The following MTUS2 variants were observed in gnomAD, a reference collection of about 807,000 sequenced individuals.
MTUS2 encodes the protein microtubule-associated tumor suppressor candidate 2.
A neutral mutation model predicts 114.1 loss-of-function variants in MTUS2; 40 were observed. The ratio of observed to expected loss-of-function variants is 0.35; its 90% CI spans 0.27 to 0.46. MTUS2 has a LOEUF of 0.46. MTUS2 is among the 20% of genes least tolerant of loss of function. The pLI is 1.00. For synonymous variants in MTUS2, 688 were observed against 672.0 expected, an observed-to-expected ratio of 1.02 and a Z score of -0.37; for missense variants, 1,679 against 1,705.4, an observed-to-expected ratio of 0.98 and a Z score of 0.27.
intron 2 of MTUS2, among the ~76,000 whole-genome samples, chr13:28,921,796 C>T (rs1276539875): frequency 6.6e-6 from 1 of 152,150 alleles, no homozygotes; most frequent in East Asian, 1.9e-4. Context: ...TGTCTTTGCT[C>T]TCCAATATAA....
At chr13:29,196,853 G>A (rs1436484182) in intron 5 of MTUS2, among the ~76,000 whole-genome samples, 1 of 152,126 alleles carries the variant, frequency 6.6e-6, no homozygotes, top group African/African-American at 2.4e-5. Context: ...CCTTTCATCT[G>A]TGGACACTTG....
At chr13:29,485,644 G>C (rs922689296) in intron 10 of MTUS2, among the ~76,000 whole-genome samples, 1 of 152,236 alleles carries the variant, frequency 6.6e-6, no homozygotes, top group Non-Finnish European at 1.5e-5. Flanking sequence ...TAATACAATG[G>C]GCGTGGTATT....
At chr13:29,284,549 A>G (rs1353418737) in intron 6 of MTUS2, among the ~76,000 whole-genome samples, 1 of 152,226 alleles carries the variant, frequency 6.6e-6, no homozygotes, top group Non-Finnish European at 1.5e-5. Flanking sequence ...TTAAATGTTA[A>G]AAGATAATAT....
intron 5 of MTUS2, among the ~76,000 whole-genome samples, chr13:29,142,165 A>T (rs1892251686): frequency 6.6e-6 from 1 of 152,046 alleles, no homozygotes; most frequent in African/African-American, 2.4e-5. Context: ...TTATTTAGGT[A>T]ATTATATGTG....
At chr13:29,425,914 C>G (rs1876489621) in intron 8 of MTUS2, among the ~76,000 whole-genome samples, 1 of 152,120 alleles carries the variant, frequency 6.6e-6, no homozygotes, top group Non-Finnish European at 1.5e-5. Flanking sequence ...AGCAAGGGCT[C>G]TCATACATCT....
chr13:29,119,535 A>T (rs924835548), intron 5 of MTUS2, among the ~76,000 whole-genome samples: 1 of 152,312 alleles, frequency 6.6e-6, no homozygotes, highest in South Asian at 2.1e-4. Flanking sequence ...AAGCATTATA[A>T]GTTTGATATA....
intron 1 of MTUS2, among the ~76,000 whole-genome samples, chr13:28,833,360 C>T (rs1874838875): frequency 6.6e-6 from 1 of 152,032 alleles, no homozygotes; most frequent in South Asian, 2.1e-4. Flanking sequence ...GGTTTGTATA[C>T]CGTGACTAAG....
chr13:29,122,114 T>C (rs1015321006), intron 5 of MTUS2, among the ~76,000 whole-genome samples: 6 of 152,186 alleles, frequency 3.9e-5, no homozygotes, highest in African/African-American at 1.4e-4. Context: ...TACTCTTTAC[T>C]GATGCAAAAA....
intron 2 of MTUS2, among the ~76,000 whole-genome samples, chr13:28,848,817 A>G (rs954892862): frequency 5.9e-5 from 9 of 152,122 alleles, no homozygotes; most frequent in Admixed American, 5.9e-4. Flanking sequence ...CAATGTCTGG[A>G]GACATTTTTG....
At chr13:28,940,319 G>A (rs758861012) in intron 2 of MTUS2, among the ~76,000 whole-genome samples, 7 of 152,146 alleles carry the variant, frequency 4.6e-5, no homozygotes, top group Admixed American at 1.3e-4. Context: ...ATGCTACAGT[G>A]TGGCTTAACC....
chr13:29,271,482 C>G (rs139915245), intron 5 of MTUS2, among the ~76,000 whole-genome samples: 191 of 152,264 alleles, frequency 1.3e-3, no homozygotes, highest in Non-Finnish European at 2.3e-3. Context: ...CAAGTCTCAC[C>G]TAACTGTCAA....
intron 5 of MTUS2, among the ~76,000 whole-genome samples, chr13:29,125,884 T>G (rs1891493976): frequency 6.6e-6 from 1 of 152,224 alleles, no homozygotes; most frequent in African/African-American, 2.4e-5. Flanking sequence ...AGGCATCCCC[T>G]TACTGAATTC....
intron 2 of MTUS2, among the ~76,000 whole-genome samples, chr13:29,017,917 A>C (rs1216113171): frequency 6.6e-6 from 1 of 152,248 alleles, no homozygotes; most frequent in Non-Finnish European, 1.5e-5. Context: ...TGAGTCACAT[A>C]TAACTGTAAT....
In MTUS2 at chr13:29,254,312, A is replaced by G. The variant is rs140272694; in HGVS notation, c.2645-27392A>G. ...TATGATTGAGTGAGTAAAGGAGGCA[A>G]CGAACAAACAGGCACACAGGAAGAC... On this transcript the variant is annotated intron_variant, in intron 5 of 15. Coordinates refer to ENST00000612955, the MANE Select transcript of MTUS2 (RefSeq NM_001033602.4). Among the ~76,000 whole-genome samples the G allele has an allele frequency of 3.9e-5, 6 of 152,364 alleles. No individual in the cohort carries two copies. In the East Asian group the frequency reaches 9.6e-4, roughly 24 times the overall value.
At chr13:29,051,800 C>T (rs1209134288) in intron 4 of MTUS2, among the ~76,000 whole-genome samples, 1 of 152,190 alleles carries the variant, frequency 6.6e-6, no homozygotes, top group East Asian at 1.9e-4. Context: ...GAGACCAATC[C>T]TTATTAGCCA....
At chr13:29,115,378 T>C (rs1891047561) in intron 5 of MTUS2, among the ~76,000 whole-genome samples, 1 of 152,242 alleles carries the variant, frequency 6.6e-6, no homozygotes, top group Admixed American at 6.5e-5. Flanking sequence ...AGGAGTCCTA[T>C]GTGCATGTGT....
intron 5 of MTUS2, among the ~76,000 whole-genome samples, chr13:29,208,497 G>A (rs1474978388): frequency 2.6e-5 from 4 of 150,972 alleles, no homozygotes; most frequent in African/African-American, 9.7e-5. Flanking sequence ...TTGTTTGTTT[G>A]TTTCTCTAGT....
At chr13:28,977,530 T>G (rs981726954) in intron 2 of MTUS2, among the ~76,000 whole-genome samples, 4 of 152,144 alleles carry the variant, frequency 2.6e-5, no homozygotes, top group South Asian at 4.1e-4. Flanking sequence ...AGGTAATTGG[T>G]TTTCTTATGT....
At chr13:29,333,912 T>A (rs763412283) in intron 7 of MTUS2, among the ~76,000 whole-genome samples, 25 of 152,254 alleles carry the variant, frequency 1.6e-4, no homozygotes, top group Non-Finnish European at 2.6e-4. Context: ...TAGATCTTCT[T>A]GTTGCATTGA....
Sources: gnomAD v4.1 joint callset for allele counts (sites outside exome capture counted in the v4.1 genomes callset) on GRCh38, gnomAD v4.1.1 for gene constraint, MANE v1.5 for transcripts, NCBI Gene and HGNC (gene_info 2026-07-23, HGNC 2026-07-21) for gene names.